Variants in TTC39C observed in about 807,000 individuals in gnomAD.
TTC39C encodes the protein tetratricopeptide repeat protein 39C.
TTC39C carries 33 observed loss-of-function variants against 76.3 expected under a neutral mutation model. The ratio of observed to expected loss-of-function variants is 0.43; its 90% CI spans 0.33 to 0.58. TTC39C has a LOEUF of 0.58. Ranked by LOEUF, TTC39C falls within the 20% of genes least tolerant of loss-of-function variation. The pLI, the probability that TTC39C is intolerant of heterozygous loss-of-function variation, is 0.04. For synonymous variants in TTC39C, 254 were observed against 260.6 expected, an observed-to-expected ratio of 0.97 and a Z score of 0.24; for missense variants, 595 against 701.4, an observed-to-expected ratio of 0.85 and a Z score of 1.71.
intron 6 of TTC39C, among the ~76,000 whole-genome samples, chr18:24,084,166 T>A (rs2145764545): frequency 6.6e-6 from 1 of 152,292 alleles, no homozygotes; most frequent in South Asian, 2.1e-4. Flanking sequence ...AAGATGTGTT[T>A]TAGAGATTAT....
intron 6 of TTC39C, 143 bp from the exon 7 acceptor site, chr18:24,114,411 C>G (rs1299636886): frequency 8.2e-6 from 5 of 609,878 alleles, no homozygotes; most frequent in Non-Finnish European, 1.4e-5. Context: ...GGAGTATTTT[C>G]CTAGCAATCT....
At chr18:24,029,367 G>T (rs1464468357) in intron 1 of TTC39C, among the ~76,000 whole-genome samples, 1 of 152,216 alleles carries the variant, frequency 6.6e-6, no homozygotes, top group African/African-American at 2.4e-5. Context: ...TTCTTAAAGT[G>T]CTGGGATTAC....
At chr18:23,994,086 C>CA (rs1568397295) in intron 1 of TTC39C, 3 of 151,836 alleles carry the variant, frequency 2.0e-5, no homozygotes, top group Non-Finnish European at 4.4e-5. Flanking sequence ...GAAGCTCTGG[C>CA]AAAAAAATAA....
chr18:24,073,525 C>G (rs532817184), intron 4 of TTC39C, among the ~76,000 whole-genome samples: 246 of 130,836 alleles, frequency 1.9e-3, no homozygotes, highest in African/African-American at 5.7e-3. Context: ...TCATATCAAT[C>G]CTGGTTCTTT....
At chr18:24,034,387 T>A (rs570664336) in intron 1 of TTC39C, among the ~76,000 whole-genome samples, 67 of 152,390 alleles carry the variant, frequency 4.4e-4, no homozygotes, top group Non-Finnish European at 8.2e-4. Context: ...TAAATAAGAG[T>A]TTGTAAAATA....
At chr18:24,079,031 A>G (rs2084342523) in intron 4 of TTC39C, among the ~76,000 whole-genome samples, 1 of 152,132 alleles carries the variant, frequency 6.6e-6, no homozygotes, top group Non-Finnish European at 1.5e-5. Flanking sequence ...TTTATTTCAT[A>G]TATTTTCTGA....
intron 5 of TTC39C, 58 bp from the exon 6 acceptor site, chr18:24,082,855 A>T (rs952447669): frequency 2.7e-6 from 4 of 1,500,410 alleles, no homozygotes; most frequent in Non-Finnish European, 3.6e-6. Context: ...AGTTTTGAAA[A>T]ATGGAAATGG....
upstream of TTC39C, among the ~76,000 whole-genome samples, chr18:24,011,442 A>G (rs6508089): frequency 0.58 from 88,512 of 152,080 alleles, 28,750 homozygotes; most frequent in Non-Finnish European, 0.75. Flanking sequence ...TGGGACCAGG[A>G]GAGGCGGCCC....
At position 24,030,224 on chromosome 18, in the gene TTC39C, C is replaced by T. The variant is rs1358866268; in HGVS notation, c.167+15186C>T. On this transcript the variant is annotated intron_variant, in intron 1 of 13. Transcript: ENST00000317571. ...TGCTTATCAGTGCTGTCTCCATGTG[C>T]CATTAGCATAGAATAGAGATGAATT... is the stretch of plus-strand genomic sequence containing the variant. 2.0e-5 allele frequency among the ~76,000 whole-genome samples: 3 copies of T among 152,214 alleles called. No homozygotes were observed. In the East Asian group the frequency reaches 5.8e-4, roughly 29 times the overall value.
Position 24,082,979 on chromosome 18 carries a change from G to A in TTC39C, c.882G>A (p.Lys294=), listed in dbSNP as rs549284988. ...TTGCCTTGGATGGCAGTGATAACAA[G>A]GCAGGCCTGGATGAAGCTAAGGAAA... The part of the protein sequence containing the change: ...PFFALDGSDN[K]AGLDEAKEIL... Residue 294 remains lysine, a synonymous_variant, in exon 6 of 14, where the codon AAG becomes AAA. Transcript: ENST00000317571. 3.1e-6 allele frequency: 5 copies of A among 1,614,092 alleles called. No individual in the cohort carries two copies. In the South Asian group the frequency reaches 4.4e-5, roughly 14 times the overall value.
intron 1 of TTC39C, among the ~76,000 whole-genome samples, chr18:24,050,470 A>T (rs2083933700): frequency 6.8e-6 from 1 of 146,366 alleles, no homozygotes; most frequent in Non-Finnish European, 1.5e-5. Flanking sequence ...CTTGGGAGGT[A>T]GGAGGATGGC....
chr18:24,046,096 A>G (rs1046396375), intron 1 of TTC39C, among the ~76,000 whole-genome samples: 4 of 150,524 alleles, frequency 2.7e-5, no homozygotes, highest in Admixed American at 6.6e-5. Context: ...CCGCCACCAC[A>G]CCCAGCTAAT....
intron 1 of TTC39C, among the ~76,000 whole-genome samples, chr18:24,042,091 C>T (rs568995087): frequency 6.6e-5 from 10 of 152,256 alleles, no homozygotes; most frequent in Admixed American, 2.6e-4. Context: ...GTTTTGAAGT[C>T]GACCCATGTT....
chr18:24,034,976 C>T (rs568047303), intron 1 of TTC39C, among the ~76,000 whole-genome samples: 8 of 152,032 alleles, frequency 5.3e-5, no homozygotes, highest in African/African-American at 1.2e-4. Context: ...TCAGTTTTTT[C>T]GGGTATATAC....
chr18:24,075,400 G>A (rs777618468), intron 4 of TTC39C, among the ~76,000 whole-genome samples: 2 of 152,092 alleles, frequency 1.3e-5, no homozygotes, highest in African/African-American at 2.4e-5. Flanking sequence ...CTTGGGCCAG[G>A]AACAGTGGCT....
chr18:24,117,308 C>T (rs112125918), intron 7 of TTC39C, among the ~76,000 whole-genome samples: 26 of 152,216 alleles, frequency 1.7e-4, no homozygotes, highest in African/African-American at 5.1e-4. Flanking sequence ...TTAACTGTTT[C>T]GATCCAGGAA....
intron 9 of TTC39C, 53 bp downstream of exon 9, chr18:24,123,996 C>A: frequency 2.2e-6 from 3 of 1,345,646 alleles, no homozygotes; most frequent in Admixed American, 2.1e-5. Flanking sequence ...CATTTGTAAC[C>A]AACACTGCCT....
chr18:24,073,912 G>T (rs183978537), intron 4 of TTC39C, among the ~76,000 whole-genome samples: 459 of 152,282 alleles, frequency 3.0e-3, no homozygotes, highest in Non-Finnish European at 4.3e-3. Flanking sequence ...TTACATGTCT[G>T]CCTAAAGTAT....
chr18:24,064,233 T>C lies in TTC39C; in HGVS notation c.216+45T>C, dbSNP rs139434859. 6,440 of 1,603,730 alleles carry C rather than the reference T, an allele frequency of 4.0e-3. 22 individuals are homozygous for C. Among genetic ancestry groups the C allele is most frequent in the Non-Finnish European group, 4.9e-3 (5,782 of 1,172,818 alleles). ...CCTATTGGCATGAAGGAAACAATTA[T>C]ATAAAGTAATGTCTGTTAGTGGCTA... On this transcript the variant is annotated intron_variant, in intron 2 of 13. Transcript: ENST00000317571.
Sources: gnomAD v4.1 joint callset for allele counts (sites outside exome capture counted in the v4.1 genomes callset) on GRCh38, gnomAD v4.1.1 for gene constraint, MANE v1.5 for transcripts, NCBI Gene and HGNC (gene_info 2026-07-23, HGNC 2026-07-21) for gene names.